INSC: variants seen among roughly 807,000 people sequenced by gnomAD.
INSC encodes protein inscuteable homolog.
In INSC, 67 loss-of-function variants were observed where a neutral mutation model predicts 58.6. The observed-to-expected ratio is 1.14, with a 90% CI of 0.94 to 1.40. The LOEUF (loss-of-function observed/expected upper bound fraction) is 1.40, where lower values mean the gene tolerates loss of function less well. Ranked by LOEUF, INSC falls within the 40% of genes most tolerant of loss-of-function variation. INSC has a pLI of 0.00. For missense variants in INSC, 714 were observed against 692.0 expected (o/e 1.03, Z -0.36); for synonymous variants, 262 against 276.1 (o/e 0.95, Z 0.51).
chr11:15,112,393 G>C (rs11023439), upstream of INSC: 7 of 1,249,028 alleles, frequency 5.6e-6, no homozygotes, highest in Non-Finnish European at 7.9e-6. Context: ...GGCCCAGAAG[G>C]GTGGGCAAAG....
At chr11:15,165,949 T>C (rs1481686609) in intron 2 of INSC, among the ~76,000 whole-genome samples, 3 of 152,060 alleles carry the variant, frequency 2.0e-5, no homozygotes. Flanking sequence ...CCCATCATGA[T>C]GGGATGAGAG....
chr11:15,246,082 C>T lies in INSC; in HGVS notation c.*42C>T, dbSNP rs910454803. The T allele has an allele frequency of 1.2e-6, 2 of 1,611,094 alleles. No homozygotes were observed. Among genetic ancestry groups the T allele is most frequent in the African/African-American group, 1.3e-5 (1 of 74,846 alleles). ...AATACATTTGGCTGTTCTCACACCC[C>T]CTCTGACTATGCACCAGTGAACACA... On this transcript the variant is annotated 3_prime_UTR_variant, in exon 13 of 13. Coordinates refer to ENST00000379556, the MANE Select transcript of INSC (RefSeq NM_001042536.3).
the INSC span, among the ~76,000 whole-genome samples, chr11:15,267,913 T>G: frequency 6.6e-6 from 1 of 151,996 alleles, no homozygotes; most frequent in African/African-American, 2.4e-5. Flanking sequence ...TTGAAAACAG[T>G]TTGATAATCT....
chr11:15,259,489 CTGATA>C, the INSC span, among the ~76,000 whole-genome samples: 7 of 152,096 alleles, frequency 4.6e-5, no homozygotes, highest in South Asian at 2.1e-4. Flanking sequence ...CCATACTCTC[CTGATA>C]TAAGAAAGAG....
chr11:15,139,238 C>T (rs954821428), intron 1 of INSC, among the ~76,000 whole-genome samples: 5 of 152,294 alleles, frequency 3.3e-5, no homozygotes, highest in Admixed American at 3.3e-4. Context: ...TGGAGCGATT[C>T]AATTTTCTCT....
At chr11:15,166,808 C>G (rs949621569) in intron 2 of INSC, among the ~76,000 whole-genome samples, 1 of 152,064 alleles carries the variant, frequency 6.6e-6, no homozygotes, top group Non-Finnish European at 1.5e-5. Flanking sequence ...AGGAGAGACA[C>G]AGATGGGAAG....
chr11:15,178,746 C>T (rs1310887866), intron 5 of INSC, among the ~76,000 whole-genome samples: 11 of 152,120 alleles, frequency 7.2e-5, no homozygotes, highest in Non-Finnish European at 1.5e-4. Context: ...CAGCATCTCC[C>T]AATTCTACTT....
At position 15,177,044 on chromosome 11, in the gene INSC, T is replaced by A; in HGVS notation, c.403-67T>A. ...CTTCATGTTTAATGTCCCCGTGTGCTCAGCACAGCAGTTGGTCCTCAGTTA... is the reference window on the plus strand; with the variant it reads ...CTTCATGTTTAATGTCCCCGTGTGCACAGCACAGCAGTTGGTCCTCAGTTA... On this transcript the variant is annotated intron_variant, in intron 3 of 12. Coordinates refer to ENST00000379556, the MANE Select transcript of INSC (RefSeq NM_001042536.3). 4 of 1,236,100 alleles carry A rather than the reference T, an allele frequency of 3.2e-6. No individual in the cohort carries two copies. The East Asian group carries it at 9.3e-5, about 29-fold the overall frequency. The allele number at this position is 1,236,100 out of a possible 1,614,324, so 76.6% of individuals were successfully genotyped here. A position where few individuals can be genotyped will look rare whatever the true frequency, so the allele number is the denominator to read the frequency against.
intron 12 of INSC, among the ~76,000 whole-genome samples, chr11:15,241,846 A>C (rs1235427793): frequency 6.6e-6 from 1 of 152,236 alleles, no homozygotes; most frequent in Non-Finnish European, 1.5e-5. Flanking sequence ...AAGACCTAGC[A>C]GTAAGCCTAG....
intron 1 of INSC, among the ~76,000 whole-genome samples, chr11:15,146,419 G>A (rs540955253): frequency 8.5e-5 from 13 of 152,244 alleles, no homozygotes; most frequent in South Asian, 2.1e-4. Context: ...CTGTGAATAG[G>A]GCAGTGATGC....
intron 12 of INSC, among the ~76,000 whole-genome samples, chr11:15,241,845 C>T (rs1852367075): frequency 6.6e-6 from 1 of 152,160 alleles, no homozygotes; most frequent in African/African-American, 2.4e-5. Context: ...TAAGACCTAG[C>T]AGTAAGCCTA....
intron 3 of INSC, among the ~76,000 whole-genome samples, chr11:15,176,796 C>T (rs1187036141): frequency 6.6e-6 from 1 of 152,208 alleles, no homozygotes; most frequent in South Asian, 2.1e-4. Flanking sequence ...TTGCCTCGAA[C>T]TTTTCCTTCC....
intron 2 of INSC, among the ~76,000 whole-genome samples, chr11:15,167,194 C>T (rs1343497277): frequency 6.6e-6 from 1 of 151,664 alleles, no homozygotes; most frequent in African/African-American, 2.4e-5. Context: ...TGGGAGAAGT[C>T]AGGCTGGGTG....
At chr11:15,134,744 G>T (rs1489458379) in intron 1 of INSC, among the ~76,000 whole-genome samples, 2 of 152,112 alleles carry the variant, frequency 1.3e-5, no homozygotes, top group African/African-American at 4.8e-5. Flanking sequence ...GGCTTAACAT[G>T]TTGTTTATTT....
chr11:15,233,164 G>T (rs1851988207), intron 9 of INSC, among the ~76,000 whole-genome samples: 1 of 152,208 alleles, frequency 6.6e-6, no homozygotes, highest in Non-Finnish European at 1.5e-5. Flanking sequence ...CTCACCTAGG[G>T]CCTTTCTCAA....
At chr11:15,149,705 G>T (rs1339210682) in intron 2 of INSC, among the ~76,000 whole-genome samples, 1 of 152,154 alleles carries the variant, frequency 6.6e-6, no homozygotes, top group Non-Finnish European at 1.5e-5. Context: ...CCCGGATAAC[G>T]AGGGGAGAGG....
chr11:15,229,168 T>G (rs1851752875), intron 9 of INSC, among the ~76,000 whole-genome samples: 1 of 152,012 alleles, frequency 6.6e-6, no homozygotes, highest in Non-Finnish European at 1.5e-5. Flanking sequence ...ATAATAGAGA[T>G]TTTTACTGAG....
intron 7 of INSC, among the ~76,000 whole-genome samples, chr11:15,210,505 TTGTGTGTG>T (rs56375160): frequency 7.3e-4 from 99 of 135,548 alleles, no homozygotes; most frequent in East Asian, 6.4e-3. Flanking sequence ...ATTTGAGAGT[TTGTGTGTG>T]TGTGTGTGTG....
intron 7 of INSC, among the ~76,000 whole-genome samples, chr11:15,202,717 G>A (rs1038287614): frequency 1.3e-5 from 2 of 152,202 alleles, no homozygotes; most frequent in Non-Finnish European, 2.9e-5. Context: ...TCCAAAAGCC[G>A]ATTGTATGGC....
Sources: allele counts gnomAD v4.1 joint callset (sites outside exome capture counted in the v4.1 genomes callset), GRCh38; gene constraint gnomAD v4.1.1; transcripts MANE v1.5; gene names NCBI Gene and HGNC (gene_info 2026-07-23, HGNC 2026-07-21).